The following PAK1 variants were observed in gnomAD, a reference collection of about 807,000 sequenced individuals.
PAK1 encodes the protein p21 (RAC1) activated kinase 1.
A neutral mutation model predicts 67.4 loss-of-function variants in PAK1; 29 were observed. The observed-to-expected ratio is 0.43, with a 90% CI of 0.32 to 0.59. PAK1 has a LOEUF of 0.59. Ranked by LOEUF, PAK1 falls within the 20% of genes least tolerant of loss-of-function variation. PAK1 has a pLI of 0.07. For synonymous variants in PAK1, 223 were observed against 237.4 expected (o/e 0.94, Z 0.56); for missense variants, 337 against 670.7 (o/e 0.50, Z 5.50).
intron 5 of PAK1, among the ~76,000 whole-genome samples, chr11:77,364,582 G>A (rs978442294): frequency 1.3e-5 from 2 of 152,134 alleles, no homozygotes; most frequent in East Asian, 3.8e-4. Context: ...TTTTTTGGGG[G>A]AGGGGGCTAT....
At chr11:77,401,145 C>A (rs1952626888) in intron 1 of PAK1, among the ~76,000 whole-genome samples, 2 of 152,226 alleles carry the variant, frequency 1.3e-5, no homozygotes, top group African/African-American at 4.8e-5. Context: ...ACTGGCATGA[C>A]CAACACTCCA....
intron 1 of PAK1, among the ~76,000 whole-genome samples, chr11:77,420,389 C>T (rs915811980): frequency 6.6e-6 from 1 of 152,172 alleles, no homozygotes; most frequent in African/African-American, 2.4e-5. Context: ...AGTTCTTACC[C>T]TCAAAAAGAA....
chr11:77,481,390 C>A, the PAK1 span, among the ~76,000 whole-genome samples: 1 of 151,740 alleles, frequency 6.6e-6, no homozygotes, highest in Non-Finnish European at 1.5e-5. Context: ...AACATTGTAT[C>A]TTTAGGCCAG....
intron 1 of PAK1, among the ~76,000 whole-genome samples, chr11:77,450,088 A>G (rs1052692420): frequency 5.9e-5 from 9 of 152,356 alleles, no homozygotes; most frequent in African/African-American, 2.2e-4. Flanking sequence ...AACTCAAAGT[A>G]TTAACTTGTG....
intron 1 of PAK1, among the ~76,000 whole-genome samples, chr11:77,472,333 T>C (rs1957900397): frequency 6.6e-6 from 1 of 152,212 alleles, no homozygotes; most frequent in Non-Finnish European, 1.5e-5. Context: ...TATATGCACC[T>C]GACTTAGAAT....
At chr11:77,470,839 G>C (rs141101759) in intron 1 of PAK1, among the ~76,000 whole-genome samples, 1 of 152,302 alleles carries the variant, frequency 6.6e-6, no homozygotes, top group African/African-American at 2.4e-5. Flanking sequence ...CAGTTTTCAG[G>C]TGGTGGTTAA....
At chr11:77,504,577 A>G in the PAK1 span, among the ~76,000 whole-genome samples, 1 of 152,234 alleles carries the variant, frequency 6.6e-6, no homozygotes, top group Non-Finnish European at 1.5e-5. Flanking sequence ...CTGAAATCAT[A>G]TCAATGAGCT....
At chr11:77,331,613 C>T (rs564760906) in intron 14 of PAK1, among the ~76,000 whole-genome samples, 2 of 152,238 alleles carry the variant, frequency 1.3e-5, no homozygotes, top group African/African-American at 4.8e-5. Flanking sequence ...GGAAGGGGAA[C>T]ATCACACACC....
chr11:77,355,646 C>A, intron 7 of PAK1, 22 bp downstream of exon 7: 1 of 1,600,750 alleles, frequency 6.2e-7, no homozygotes. Flanking sequence ...AAGAAAGGTT[C>A]AGAAAGCTAC....
intron 1 of PAK1, among the ~76,000 whole-genome samples, chr11:77,420,949 T>G (rs1023073289): frequency 6.6e-6 from 1 of 152,236 alleles, no homozygotes; most frequent in Non-Finnish European, 1.5e-5. Flanking sequence ...TGGGAAACTC[T>G]GACCTAGAAT....
At chr11:77,334,486 G>T (rs1456026467) in intron 13 of PAK1, among the ~76,000 whole-genome samples, 1 of 152,136 alleles carries the variant, frequency 6.6e-6, no homozygotes, top group Non-Finnish European at 1.5e-5. Context: ...TGGGAGGTGG[G>T]AATAAATGAG....
upstream of PAK1, chr11:77,474,491 A>C (rs1232446887): frequency 1.3e-5 from 2 of 151,972 alleles, no homozygotes; most frequent in Non-Finnish European, 2.9e-5. Context: ...TTTTGGGACG[A>C]TTTCTGGGAG....
chr11:77,451,945 G>C (rs1051424040), intron 1 of PAK1, among the ~76,000 whole-genome samples: 2 of 152,154 alleles, frequency 1.3e-5, no homozygotes, highest in Admixed American at 1.3e-4. Flanking sequence ...CATGAACATA[G>C]CAATGGGAAA....
chr11:77,395,599 C>T (rs1054080856), intron 1 of PAK1, among the ~76,000 whole-genome samples: 8 of 152,096 alleles, frequency 5.3e-5, no homozygotes, highest in African/African-American at 1.9e-4. Context: ...TACACACACA[C>T]AGACACACAC....
chr11:77,327,365 T>G (rs1339657889), intron 14 of PAK1, among the ~76,000 whole-genome samples: 6 of 151,928 alleles, frequency 3.9e-5, no homozygotes. Context: ...AAGGAAAAAA[T>G]GTTAAGGGCA....
intron 7 of PAK1, 70 bp from the exon 8 acceptor site, chr11:77,353,669 C>T: frequency 2.5e-6 from 3 of 1,211,374 alleles, no homozygotes; most frequent in Non-Finnish European, 3.7e-6. Context: ...CCACATTTCC[C>T]CAACCCCTGT....
intron 14 of PAK1, 80 bp from the exon 15 acceptor site, chr11:77,323,440 C>T (rs1938852387): frequency 2.1e-6 from 2 of 956,242 alleles, no homozygotes; most frequent in African/African-American, 1.6e-5. Context: ...ATAAAGGCAT[C>T]TTTGTTTGTA....
chr11:77,457,993 G>A (rs986346392), intron 1 of PAK1, among the ~76,000 whole-genome samples: 1 of 152,124 alleles, frequency 6.6e-6, no homozygotes, highest in Non-Finnish European at 1.5e-5. Context: ...ACCAGACTCT[G>A]AGGTAGCCAT....
chr11:77,456,634 T>C (rs1289679783), intron 1 of PAK1, among the ~76,000 whole-genome samples: 4 of 152,232 alleles, frequency 2.6e-5, no homozygotes, highest in Admixed American at 2.6e-4. Context: ...ATAGCCGACA[T>C]TTGTTAAGGA....
Sources: allele counts gnomAD v4.1 joint callset (sites outside exome capture counted in the v4.1 genomes callset), GRCh38; gene constraint gnomAD v4.1.1; transcripts MANE v1.5; gene names NCBI Gene and HGNC (gene_info 2026-07-23, HGNC 2026-07-21).